The following EML5 variants were observed in gnomAD, a reference collection of about 807,000 sequenced individuals.
EML5 encodes the protein echinoderm microtubule-associated protein-like 5.
In EML5, 120 loss-of-function variants were observed where a neutral mutation model predicts 250.0. That is an observed-to-expected ratio of 0.48 (90% CI 0.41 to 0.56). EML5 has a LOEUF of 0.56. EML5 is among the 20% of genes least tolerant of loss of function. The probability of loss-of-function intolerance (pLI) is 0.00; values close to 1 mark genes in which losing one functional copy is unlikely to be tolerated. For synonymous variants in EML5, 771 were observed against 806.5 expected (o/e 0.96, Z 0.75); for missense variants, 2,006 against 2,437.6 (o/e 0.82, Z 3.73).
In EML5 at chr14:88,674,044, G is replaced by A. The variant is rs1472641796; in HGVS notation, c.3124+7846C>T. Reference sequence around the variant, plus strand: ...AGCATTTTGGAAGGCTGAGGTGGGCGGATCACTTAATATCAGGAGTTCAAG... The same window carrying A: ...AGCATTTTGGAAGGCTGAGGTGGGCAGATCACTTAATATCAGGAGTTCAAG... On this transcript the variant is annotated intron_variant, in intron 21 of 43. Coordinates refer to ENST00000554922, the MANE Select transcript of EML5 (RefSeq NM_183387.3). Among the ~76,000 whole-genome samples, 3 of 152,270 alleles carry A rather than the reference G, an allele frequency of 2.0e-5. No homozygotes were observed. The East Asian group carries it at 5.8e-4, about 29-fold the overall frequency.
intron 19 of EML5, among the ~76,000 whole-genome samples, chr14:88,685,655 G>A (rs907160332): frequency 6.6e-6 from 1 of 151,144 alleles, no homozygotes; most frequent in Non-Finnish European, 1.5e-5. Context: ...GTGCCATTTT[G>A]CCCAGACTGA....
At chr14:88,653,899 T>C (rs2091753244) in intron 27 of EML5, among the ~76,000 whole-genome samples, 1 of 152,192 alleles carries the variant, frequency 6.6e-6, no homozygotes, top group African/African-American at 2.4e-5. Context: ...TCTGGTAGAA[T>C]TCGGATGCGA....
intron 1 of EML5, among the ~76,000 whole-genome samples, chr14:88,787,540 C>T (rs915207753): frequency 2.0e-5 from 3 of 152,144 alleles, no homozygotes; most frequent in African/African-American, 7.2e-5. Flanking sequence ...TCTGGCTTCT[C>T]CCTAAAGAAT....
intron 9 of EML5, among the ~76,000 whole-genome samples, chr14:88,713,494 T>C (rs1009290986): frequency 2.0e-5 from 3 of 152,162 alleles, no homozygotes; most frequent in Non-Finnish European, 4.4e-5. Context: ...TTTGTTTAGT[T>C]AGAGCCACGA....
intron 25 of EML5, 76 bp from the exon 26 acceptor site, chr14:88,658,464 T>G (rs990424307): frequency 1.6e-5 from 18 of 1,147,996 alleles, no homozygotes; most frequent in Non-Finnish European, 2.2e-5. Flanking sequence ...ATTTTGAATT[T>G]TATTAATAAT....
rs968327841 is a variant in EML5 at position 88,706,148 on chromosome 14, C to T, written c.1825+111G>A. On this transcript the variant is annotated intron_variant, in intron 11 of 43. Coordinates refer to ENST00000554922, the MANE Select transcript of EML5 (RefSeq NM_183387.3). ...ACTTGAAATTTCTACTAATAACAAACTACACTGTTAACTTATGAGGCCAGA... is the reference window on the plus strand; with the variant it reads ...ACTTGAAATTTCTACTAATAACAAATTACACTGTTAACTTATGAGGCCAGA... 3.9e-6 allele frequency: 4 copies of T among 1,031,562 alleles called. No individual in the cohort carries two copies. The African/African-American group carries it at 6.6e-5, about 17-fold the overall frequency. 63.9% of individuals were successfully genotyped at this position (1,031,562 alleles called of 1,614,324 possible). A position where few individuals can be genotyped will look rare whatever the true frequency, so the allele number is the denominator to read the frequency against.
Position 88,658,248 on chromosome 14 carries a change from G to A in EML5, c.3816C>T (p.Gly1272=). The A allele has an allele frequency of 1.9e-6, 3 of 1,613,676 alleles. No individual in the cohort carries two copies. The highest frequency in any genetic ancestry group is 2.5e-6 in the Non-Finnish European group (3 of 1,179,792). The change falls in exon 26 of 44, where the codon GGC becomes GGT. Residue 1272 remains glycine (G), a synonymous_variant. Transcript: ENST00000554922. ...SLMVWTNEME[G]YREKRPCDSE... ...TATCACAAGGCCTTTTTTCTCGATA[G>A]CCTTCCATCTCATTTGTCCACACCA... is the stretch of plus-strand genomic sequence containing the variant.
At chr14:88,647,356 C>T (rs926874996) in intron 28 of EML5, among the ~76,000 whole-genome samples, 9 of 150,704 alleles carry the variant, frequency 6.0e-5, no homozygotes, top group African/African-American at 7.3e-5. Flanking sequence ...CGACAGAGCA[C>T]GACTCCATCT....
intron 21 of EML5, among the ~76,000 whole-genome samples, chr14:88,666,549 A>T (rs145272291): frequency 5.4e-4 from 83 of 152,300 alleles, no homozygotes; most frequent in African/African-American, 1.9e-3. Context: ...TATTTTTAAA[A>T]ATCTAATAGG....
Position 88,664,426 on chromosome 14 carries a change from T to G in EML5, c.3409+67A>C, listed in dbSNP as rs752288757. The stretch of plus-strand genomic sequence containing the variant: ...CTCATCTGTTGAATCACTTTTCCGT[T>G]TCTCTAATATAGCTATACTAAATCA... On this transcript the variant is annotated intron_variant, in intron 23 of 43. Transcript: ENST00000554922. The G allele has an allele frequency of 5.2e-4, 686 of 1,324,982 alleles. 1 individual carries two copies. The highest frequency in any genetic ancestry group is 6.7e-4 in the Non-Finnish European group (663 of 990,572). 82.1% of individuals were successfully genotyped at this position (1,324,982 alleles called of 1,614,324 possible).
At chr14:88,649,767 T>A (rs2091533193) in intron 28 of EML5, 145 bp downstream of exon 28, 1 of 620,626 alleles carries the variant, frequency 1.6e-6, no homozygotes, top group African/African-American at 1.9e-5. Context: ...AACTCTTTTA[T>A]AGAATTTGTC....
rs2087054049 is a variant in EML5, at chr14:88,613,096, C to T, written c.*2722G>A. On this transcript the variant is annotated 3_prime_UTR_variant, in exon 44 of 44. Transcript: ENST00000554922. Reference sequence around the variant, plus strand: ...AGCCAGCAGTCTACTGTTGTGTTGCCATTGCTTTTCCATTGGGAGAAGAAA... The same window carrying T: ...AGCCAGCAGTCTACTGTTGTGTTGCTATTGCTTTTCCATTGGGAGAAGAAA... 6.6e-6 allele frequency: 1 copy of T among 152,376 alleles called. No individual in the cohort carries two copies. 9.4% of individuals were successfully genotyped at this position (152,376 alleles called of 1,614,324 possible).
At chr14:88,710,578 C>T (rs2093388661) in intron 10 of EML5, among the ~76,000 whole-genome samples, 1 of 152,038 alleles carries the variant, frequency 6.6e-6, no homozygotes, top group Non-Finnish European at 1.5e-5. Flanking sequence ...TCTTTTTTGG[C>T]CTAAGTGGTC....
chr14:88,690,657 GA>G (rs1190418398), intron 17 of EML5, among the ~76,000 whole-genome samples: 1 of 152,210 alleles, frequency 6.6e-6, no homozygotes, highest in Admixed American at 6.5e-5. Flanking sequence ...TCAGCAACTG[GA>G]GAATAAAGTT....
At chr14:88,649,873 A>C (rs1446555522) in intron 28 of EML5, 39 bp downstream of exon 28, 2 of 1,449,780 alleles carry the variant, frequency 1.4e-6, no homozygotes, top group South Asian at 2.7e-5. Context: ...ATAAAGGGTA[A>C]ATTTTTGAAT....
intron 4 of EML5, among the ~76,000 whole-genome samples, chr14:88,741,272 C>G (rs1951593898): frequency 6.6e-6 from 1 of 152,118 alleles, no homozygotes. Flanking sequence ...AACATACTCT[C>G]TCTGATAGAA....
chr14:88,621,208 C>G lies in EML5; in HGVS notation c.5107G>C (p.Gly1703Arg). The change falls in exon 38 of 44, where the codon GGG becomes CGG. Residue 1703 changes from glycine to arginine, a missense_variant. Coordinates refer to ENST00000554922, the MANE Select transcript of EML5 (RefSeq NM_183387.3). Reference protein sequence around the residue: ...CNILVNGHVDGPIWGLATHPS... With the variant: ...CNILVNGHVDRPIWGLATHPS... ...TGTGTTGCTAGTCCCCAGATTGGCC[C>G]ATCCACATGACCGTTAACTAAAATA... 9 of 1,613,922 alleles carry G rather than the reference C, an allele frequency of 5.6e-6. No individual in the cohort carries two copies. The highest frequency in any genetic ancestry group is 7.6e-6 in the Non-Finnish European group (9 of 1,179,882).
At chr14:88,659,482 G>A (rs900818382) in intron 25 of EML5, among the ~76,000 whole-genome samples, 1 of 152,210 alleles carries the variant, frequency 6.6e-6, no homozygotes, top group African/African-American at 2.4e-5. Flanking sequence ...AAAGTGCTGG[G>A]ATTATAGGCG....
In EML5 at chr14:88,792,100, G is replaced by C. The variant is rs1447414977; in HGVS notation, c.197+207C>G. On this transcript the variant is annotated intron_variant, in intron 1 of 43. Coordinates refer to ENST00000554922, the MANE Select transcript of EML5 (RefSeq NM_183387.3). This position sits in a 1 kb window ranked among gnomAD's most constrained non-coding sequence, Gnocchi z 6.9. ...ATCCGCGGACCTGATCTTCCTGCAC[G>C]GACCCGAGAGAGAGTCCCTAGACGA... Among the ~76,000 whole-genome samples, 3 of 152,228 alleles carry C rather than the reference G, an allele frequency of 2.0e-5. No individual in the cohort carries two copies. The highest frequency in any genetic ancestry group is 4.4e-5 in the Non-Finnish European group (3 of 68,040).
Sources: allele counts gnomAD v4.1 joint callset (sites outside exome capture counted in the v4.1 genomes callset), GRCh38; gene constraint gnomAD v4.1.1; non-coding constraint Gnocchi (gnomAD v3.1); transcripts MANE v1.5; gene names NCBI Gene and HGNC (gene_info 2026-07-23, HGNC 2026-07-21).